CDK14: variants seen among roughly 807,000 people sequenced by gnomAD.
The protein encoded by CDK14 is cyclin dependent kinase 14, also known as cyclin-dependent kinase 14.
CDK14 carries 34 observed loss-of-function variants against 60.7 expected under a neutral mutation model. That is an observed-to-expected ratio of 0.56 (90% confidence interval 0.43 to 0.75). The LOEUF (loss-of-function observed/expected upper bound fraction) is 0.75. Among genes scored for constraint, CDK14 ranks in the 30% least tolerant of loss-of-function variants. The pLI is 0.00. For synonymous variants in CDK14, 197 were observed against 203.7 expected, an observed-to-expected ratio of 0.97 and a Z score of 0.28; for missense variants, 482 against 564.1, an observed-to-expected ratio of 0.85 and a Z score of 1.47.
At chr7:91,029,203 A>T (rs1177146147) in intron 10 of CDK14, among the ~76,000 whole-genome samples, 1 of 151,954 alleles carries the variant, frequency 6.6e-6, no homozygotes, top group Non-Finnish European at 1.5e-5. Flanking sequence ...CCACTTTTAT[A>T]CTTTTGGTTA....
At position 91,208,782 on chromosome 7, in the gene CDK14, T is replaced by A. The variant is rs1584219858; in HGVS notation, c.*1646T>A. On this transcript the variant is annotated 3_prime_UTR_variant, in exon 15 of 15. Transcript: ENST00000380050. ...TACTGTCTGCGGAGTGGAGTATGGATGGTTATGTCAAAGTCATAGTTCATC... is the reference window on the plus strand; with the variant it reads ...TACTGTCTGCGGAGTGGAGTATGGAAGGTTATGTCAAAGTCATAGTTCATC... 1 of 152,668 alleles carries A rather than the reference T, an allele frequency of 6.6e-6. No homozygotes were observed. Among genetic ancestry groups the A allele is most frequent in the African/African-American group, 2.4e-5 (1 of 41,546 alleles). The allele number at this position is 152,668 out of a possible 1,614,324, so 9.5% of individuals were successfully genotyped here.
At chr7:91,158,033 C>G (rs902239445) in intron 14 of CDK14, among the ~76,000 whole-genome samples, 8 of 149,082 alleles carry the variant, frequency 5.4e-5, no homozygotes, top group Non-Finnish European at 3.0e-5. Flanking sequence ...TCTCAATATC[C>G]ATTTGCCAAA....
intron 5 of CDK14, among the ~76,000 whole-genome samples, chr7:90,823,543 G>A (rs1393441106): frequency 6.6e-6 from 1 of 152,140 alleles, no homozygotes; most frequent in African/African-American, 2.4e-5. Flanking sequence ...TGACTTGGGT[G>A]GTGTAAATTA....
chr7:91,031,471 ATAAT>A (rs538716184), intron 10 of CDK14, among the ~76,000 whole-genome samples: 1 of 152,134 alleles, frequency 6.6e-6, no homozygotes, highest in Non-Finnish European at 1.5e-5. Context: ...AAAATTTAAA[ATAAT>A]TAATATTATT....
chr7:90,866,369 C>G (rs1382711084), intron 6 of CDK14, among the ~76,000 whole-genome samples: 2 of 151,706 alleles, frequency 1.3e-5, no homozygotes, highest in Non-Finnish European at 2.9e-5. Context: ...TTATTAACAT[C>G]AAAGATATTT....
At chr7:91,162,316 T>G (rs1427897160) in intron 14 of CDK14, among the ~76,000 whole-genome samples, 1 of 152,222 alleles carries the variant, frequency 6.6e-6, no homozygotes, top group Non-Finnish European at 1.5e-5. Flanking sequence ...TTCTCTGCTA[T>G]GTTTAAATTT....
intron 5 of CDK14, among the ~76,000 whole-genome samples, chr7:90,862,268 T>C (rs1301508543): frequency 6.6e-6 from 1 of 152,140 alleles, no homozygotes; most frequent in Non-Finnish European, 1.5e-5. Context: ...ATTAAAAATA[T>C]GACCAAACCA....
At chr7:91,039,014 A>G (rs1318718227) in intron 10 of CDK14, among the ~76,000 whole-genome samples, 1 of 152,204 alleles carries the variant, frequency 6.6e-6, no homozygotes, top group African/African-American at 2.4e-5. Context: ...CCCAGAAGAC[A>G]ACACCAGATC....
intron 13 of CDK14, among the ~76,000 whole-genome samples, chr7:91,116,309 G>C (rs803166): frequency 6.6e-6 from 1 of 151,938 alleles, no homozygotes; most frequent in Non-Finnish European, 1.5e-5. Context: ...CCAACAAATC[G>C]GTACAGTGTG....
chr7:90,640,853 T>C (rs2116440689), intron 2 of CDK14, among the ~76,000 whole-genome samples: 1 of 152,188 alleles, frequency 6.6e-6, no homozygotes, highest in East Asian at 1.9e-4. Context: ...ACATACCTGA[T>C]AAGGGACTGG....
intron 9 of CDK14, among the ~76,000 whole-genome samples, chr7:90,958,426 A>G (rs1794498452): frequency 6.6e-6 from 1 of 152,120 alleles, no homozygotes; most frequent in Non-Finnish European, 1.5e-5. Flanking sequence ...TAAATCTAAT[A>G]CCATTTTAAT....
intron 11 of CDK14, among the ~76,000 whole-genome samples, chr7:91,069,776 A>G (rs888387780): frequency 5.3e-5 from 8 of 152,198 alleles, no homozygotes; most frequent in African/African-American, 1.7e-4. Context: ...CAGATTTCCA[A>G]TGGAAACATT....
intron 9 of CDK14, among the ~76,000 whole-genome samples, chr7:90,970,082 C>T (rs1434302893): frequency 6.6e-6 from 1 of 151,812 alleles, no homozygotes; most frequent in Non-Finnish European, 1.5e-5. Context: ...TCCTCTGCCT[C>T]AGCCTCCTGA....
chr7:90,674,418 ACAAT>A (rs1191772914), intron 2 of CDK14, among the ~76,000 whole-genome samples: 1 of 152,176 alleles, frequency 6.6e-6, no homozygotes, highest in East Asian at 1.9e-4. Context: ...ATAGCTAAAG[ACAAT>A]CAGTTAGGGA....
intron 11 of CDK14, among the ~76,000 whole-genome samples, chr7:91,071,993 G>A (rs1798162390): frequency 1.3e-5 from 2 of 152,220 alleles, no homozygotes; most frequent in South Asian, 2.1e-4. Flanking sequence ...CCAGGCAGGG[G>A]CTCAGGGGCA....
intron 5 of CDK14, among the ~76,000 whole-genome samples, chr7:90,804,125 A>G (rs1417929156): frequency 6.6e-6 from 1 of 152,230 alleles, no homozygotes; most frequent in Admixed American, 6.5e-5. Flanking sequence ...CCCCAGAGCA[A>G]AAAGGCGATA....
chr7:90,767,796 A>G (rs1804625133), intron 4 of CDK14, among the ~76,000 whole-genome samples: 1 of 152,182 alleles, frequency 6.6e-6, no homozygotes, highest in Non-Finnish European at 1.5e-5. Flanking sequence ...ATTTTTTCTA[A>G]TACGTTTTTG....
intron 9 of CDK14, among the ~76,000 whole-genome samples, chr7:90,962,229 G>C (rs139776637): frequency 0.04 from 6,047 of 152,250 alleles, 175 homozygotes; most frequent in Middle Eastern, 0.088. Flanking sequence ...GCTCACAACT[G>C]TAATACCAGC....
intron 8 of CDK14, among the ~76,000 whole-genome samples, chr7:90,955,337 T>C (rs528473581): frequency 9.9e-5 from 15 of 152,176 alleles, no homozygotes; most frequent in Non-Finnish European, 2.2e-4. Context: ...ATCTGTTTTT[T>C]CTCAGTTATT....
Sources: allele counts gnomAD v4.1 joint callset (sites outside exome capture counted in the v4.1 genomes callset), GRCh38; gene constraint gnomAD v4.1.1; transcripts MANE v1.5; gene names NCBI Gene and HGNC (gene_info 2026-07-23, HGNC 2026-07-21).